SYTL5: variants seen among roughly 807,000 people sequenced by gnomAD.
SYTL5 encodes synaptotagmin-like protein 5.
In SYTL5, 34 loss-of-function variants were observed where a neutral mutation model predicts 55.9. That is an observed-to-expected ratio of 0.61 (90% CI 0.46 to 0.81). The LOEUF is 0.81. Among genes scored for constraint, SYTL5 ranks in the 30% least tolerant of loss-of-function variants. The probability of loss-of-function intolerance (pLI) is 0.00; values close to 1 mark genes in which losing one functional copy is unlikely to be tolerated. For missense variants in SYTL5, 637 were observed against 546.7 expected, an observed-to-expected ratio of 1.17 and a Z score of -1.65; for synonymous variants, 221 against 188.7, an observed-to-expected ratio of 1.17 and a Z score of -1.40.
At chrX:38,107,934 A>G (rs1255541335) in intron 11 of SYTL5, among the ~76,000 whole-genome samples, 3 of 112,421 alleles carry the variant, frequency 2.7e-5, no homozygotes, top group African/African-American at 9.7e-5. Context: ...CTTTGTACAC[A>G]TCTTGTACAT....
intron 3 of SYTL5, among the ~76,000 whole-genome samples, chrX:38,061,401 G>A (rs1935940032): frequency 1.8e-5 from 2 of 111,117 alleles, no homozygotes; most frequent in African/African-American, 3.3e-5. Flanking sequence ...ATATTTTATT[G>A]GCAGCAAACA....
intron 2 of SYTL5, among the ~76,000 whole-genome samples, chrX:38,043,087 A>T (rs1935332999): frequency 8.9e-6 from 1 of 111,919 alleles, no homozygotes; most frequent in African/African-American, 3.2e-5. Flanking sequence ...TATTTAATGC[A>T]AAGAAATTAA....
chrX:37,998,076 C>G, the SYTL5 span, among the ~76,000 whole-genome samples: 2 of 112,044 alleles, frequency 1.8e-5, no homozygotes, highest in African/African-American at 6.5e-5. Flanking sequence ...GAGCTGAACA[C>G]TCATCAGGAC....
chrX:38,102,404 C>T lies in SYTL5; in HGVS notation c.1125C>T (p.Asn375=), dbSNP rs1937107735. 3 of 1,205,597 alleles carry T rather than the reference C, an allele frequency of 2.5e-6. No homozygotes were observed. Among genetic ancestry groups the T allele is most frequent in the Admixed American group, 4.4e-5 (2 of 45,710 alleles). ...TAGTGTCCTCGCAGTTATCTACAAA[C>T]ACTCACCGTCTGGCAAGTGGCCTAT... is the stretch of plus-strand genomic sequence containing the variant. ...DALVSSQLST[N]THRLASGLST... Residue 375 remains asparagine (N), a synonymous_variant, in exon 10 of 17, where the codon AAC becomes AAT. Transcript: ENST00000297875.
At chrX:38,060,549 A>T (rs1935915897) in intron 3 of SYTL5, among the ~76,000 whole-genome samples, 1 of 112,170 alleles carries the variant, frequency 8.9e-6, no homozygotes, top group Non-Finnish European at 1.9e-5. Flanking sequence ...GAACAGATAG[A>T]TGAATGGATA....
intron 3 of SYTL5, among the ~76,000 whole-genome samples, chrX:38,059,435 GA>G (rs1340140796): frequency 9.0e-6 from 1 of 111,441 alleles, no homozygotes; most frequent in Non-Finnish European, 1.9e-5. Flanking sequence ...AGGGAATTAG[GA>G]TAAGGCTCTT....
In SYTL5 at chrX:38,125,559, G is replaced by A. The variant is rs563956947; in HGVS notation, c.2050+53G>A. On this transcript the variant is annotated intron_variant, in intron 16 of 16. Coordinates refer to ENST00000297875, the MANE Select transcript of SYTL5 (RefSeq NM_138780.3). ...GGTCTGTGACTAGGCCCAGGTGGGG[G>A]CGCTATTCTTGCAGATGTGATGTGC... The A allele has an allele frequency of 1.9e-5, 19 of 1,015,755 alleles. No individual in the cohort carries two copies. The South Asian group carries it at 3.2e-4, about 17-fold the overall frequency. 83.7% of individuals were successfully genotyped at this position (1,015,755 alleles called of 1,213,427 possible). A position where few individuals can be genotyped will look rare whatever the true frequency, so the allele number is the denominator to read the frequency against.
At chrX:38,073,743 A>G in intron 5 of SYTL5, 45 bp downstream of exon 5, 1 of 947,819 alleles carries the variant, frequency 1.1e-6, no homozygotes, top group Non-Finnish European at 1.5e-6. Flanking sequence ...TTTATTCCAG[A>G]CACCTCTGAA....
chrX:37,893,639 T>A, the SYTL5 span, among the ~76,000 whole-genome samples: 1 of 66,014 alleles, frequency 1.5e-5, no homozygotes, highest in African/African-American at 1.7e-4. Flanking sequence ...ATATATATAA[T>A]TATATATAAT....
intron 13 of SYTL5, among the ~76,000 whole-genome samples, chrX:38,116,516 T>G (rs965340006): frequency 8.9e-6 from 1 of 112,500 alleles, no homozygotes; most frequent in Non-Finnish European, 1.9e-5. Flanking sequence ...AGATTCTAAT[T>G]TGAGCTTTTC....
At chrX:38,076,499 A>G in intron 5 of SYTL5, 68 bp from the exon 6 acceptor site, 1 of 882,178 alleles carries the variant, frequency 1.1e-6, no homozygotes, top group Middle Eastern at 4.2e-4. Context: ...TAGAAATTGT[A>G]TTCTTGAAAT....
chrX:38,018,130 G>T (rs988092906), intron 1 of SYTL5, among the ~76,000 whole-genome samples: 2 of 110,914 alleles, frequency 1.8e-5, no homozygotes, highest in African/African-American at 3.3e-5. Context: ...AAAACTCTTG[G>T]TGGGCTTTTG....
At chrX:37,985,560 A>G in the SYTL5 span, among the ~76,000 whole-genome samples, 216 of 110,427 alleles carry the variant, frequency 2.0e-3, 5 homozygotes, top group East Asian at 0.054. Context: ...TATCATTTTC[A>G]TGGATTAGAA....
chrX:37,947,698 A>G, the SYTL5 span, among the ~76,000 whole-genome samples: 54,349 of 110,134 alleles, frequency 0.49, 9,911 homozygotes, highest in African/African-American at 0.64. Context: ...CTGTTGGGTA[A>G]AAGAAATAGA....
At chrX:38,075,866 A>G (rs921868226) in intron 5 of SYTL5, among the ~76,000 whole-genome samples, 1 of 112,072 alleles carries the variant, frequency 8.9e-6, no homozygotes, top group Non-Finnish European at 1.9e-5. Context: ...TTCTTATTCA[A>G]GTACATTTGG....
intron 3 of SYTL5, among the ~76,000 whole-genome samples, chrX:38,057,387 C>T: frequency 9.0e-6 from 1 of 111,621 alleles, no homozygotes; most frequent in Non-Finnish European, 1.9e-5. Context: ...GTATGCTATA[C>T]AGCATAAAAA....
chrX:38,077,661 G>GA (rs370524133), intron 6 of SYTL5, among the ~76,000 whole-genome samples: 5,663 of 106,544 alleles, frequency 0.053, 121 homozygotes, highest in Middle Eastern at 0.081. Context: ...AAACCATACA[G>GA]AAAAAAAAAA....
chrX:37,992,119 T>C, the SYTL5 span, among the ~76,000 whole-genome samples: 1 of 112,937 alleles, frequency 8.9e-6, no homozygotes, highest in African/African-American at 3.2e-5. Flanking sequence ...TACCATATAT[T>C]GCATAGAGCA....
In SYTL5 at chrX:38,016,032, C is replaced by T. The variant is rs146180110; in HGVS notation, c.-357+9364C>T. ...ATTCAAATTCAGTAGCTCTGGAATG[C>T]GCTAGGCCTACTATCATTAATTTTA... On this transcript the variant is annotated intron_variant, in intron 1 of 16. Transcript: ENST00000297875. Among the ~76,000 whole-genome samples the T allele has an allele frequency of 9.7e-3, 1,078 of 111,536 alleles. 7 individuals carry two copies. Among genetic ancestry groups the T allele is most frequent in the Middle Eastern group, 0.042 (9 of 215 alleles).
Sources: allele counts gnomAD v4.1 joint callset (sites outside exome capture counted in the v4.1 genomes callset), GRCh38; gene constraint gnomAD v4.1.1; transcripts MANE v1.5; gene names NCBI Gene and HGNC (gene_info 2026-07-23, HGNC 2026-07-21).